The following CSMD1 variants were observed in gnomAD, a reference collection of about 807,000 sequenced individuals.
CSMD1 encodes CUB and Sushi multiple domains 1.
CSMD1 carries 213 observed loss-of-function variants against 417.5 expected under a neutral mutation model. The ratio of observed to expected loss-of-function variants is 0.51; its 90% CI spans 0.46 to 0.57. The LOEUF (loss-of-function observed/expected upper bound fraction) is 0.57, where lower values mean the gene tolerates loss of function less well. Among genes scored for constraint, CSMD1 ranks in the 20% least tolerant of loss-of-function variants. The pLI, the probability that CSMD1 is intolerant of heterozygous loss-of-function variation, is 0.00. For synonymous variants in CSMD1, 2,862 were observed against 1,736.8 expected (o/e 1.65, Z -16.11); for missense variants, 6,923 against 4,529.7 (o/e 1.53, Z -15.17).
intron 5 of CSMD1, among the ~76,000 whole-genome samples, chr8:3,959,879 C>G (rs1019504495): frequency 6.6e-6 from 1 of 152,204 alleles, no homozygotes; most frequent in Non-Finnish European, 1.5e-5. Context: ...AACGTGTGAT[C>G]TGCCTTCATT....
At chr8:4,113,390 CTTTTTTTTTTTT>C (rs59647790) in intron 3 of CSMD1, among the ~76,000 whole-genome samples, 4 of 81,200 alleles carry the variant, frequency 4.9e-5, no homozygotes, top group African/African-American at 1.0e-4. Context: ...AATAAAAGGG[CTTTTTTTTTTTT>C]TTTTTTTTTT....
chr8:4,801,296 A>G (rs932398405), intron 1 of CSMD1, among the ~76,000 whole-genome samples: 2 of 152,098 alleles, frequency 1.3e-5, no homozygotes, highest in Admixed American at 6.5e-5. Context: ...TGAAATATGA[A>G]GTATCACAGA....
At chr8:3,112,872 G>C (rs186040557) in intron 42 of CSMD1, 3 of 152,276 alleles carry the variant, frequency 2.0e-5, no homozygotes, top group Non-Finnish European at 2.9e-5. Context: ...CCTCCCACTG[G>C]GTAGTCCAGA....
At chr8:4,325,738 G>C (rs1289946521) in intron 3 of CSMD1, among the ~76,000 whole-genome samples, 1 of 152,062 alleles carries the variant, frequency 6.6e-6, no homozygotes, top group African/African-American at 2.4e-5. Context: ...CACTGAGAAG[G>C]CGTGAATGTT....
intron 3 of CSMD1, among the ~76,000 whole-genome samples, chr8:4,155,167 T>C (rs1260992715): frequency 1.3e-5 from 2 of 152,168 alleles, no homozygotes; most frequent in African/African-American, 4.8e-5. Flanking sequence ...GCACTGACTG[T>C]TTACATAATT....
At chr8:3,671,528 C>CATAT (rs1278729666) in intron 7 of CSMD1, among the ~76,000 whole-genome samples, 9 of 50,218 alleles carry the variant, frequency 1.8e-4, no homozygotes, top group African/African-American at 3.8e-4. Context: ...TATATATGAT[C>CATAT]ATATATATAT....
intron 1 of CSMD1, among the ~76,000 whole-genome samples, chr8:4,983,209 G>A (rs965203361): frequency 1.3e-5 from 2 of 152,174 alleles, no homozygotes; most frequent in African/African-American, 4.8e-5. Flanking sequence ...TCTAGTCTCA[G>A]TACATGAGTC....
At chr8:4,299,169 AC>A (rs1797846879) in intron 3 of CSMD1, among the ~76,000 whole-genome samples, 1 of 152,216 alleles carries the variant, frequency 6.6e-6, no homozygotes, top group Non-Finnish European at 1.5e-5. Flanking sequence ...CAAAAAAGAA[AC>A]GTTGTAAGAA....
chr8:4,604,246 T>A (rs893230436), intron 2 of CSMD1, among the ~76,000 whole-genome samples: 1 of 151,956 alleles, frequency 6.6e-6, no homozygotes, highest in African/African-American at 2.4e-5. Flanking sequence ...CTACTACCTT[T>A]TTCATAAATA....
chr8:4,316,321 G>C lies in CSMD1; in HGVS notation c.415+103632C>G, dbSNP rs562807808. Among the ~76,000 whole-genome samples, 25 of 152,234 alleles carry C rather than the reference G, an allele frequency of 1.6e-4. No homozygotes were observed. The South Asian group carries it at 5.2e-3, about 32-fold the overall frequency. Reference sequence around the variant, plus strand: ...AGGAATGCTGCAGAGAAAATAATCTGCATATTTTATTCCAAGCGGTTTCTT... The same window carrying C: ...AGGAATGCTGCAGAGAAAATAATCTCCATATTTTATTCCAAGCGGTTTCTT... On this transcript the variant is annotated intron_variant, in intron 3 of 69. Transcript: ENST00000635120.
At chr8:4,111,697 C>A (rs1350319929) in intron 3 of CSMD1, among the ~76,000 whole-genome samples, 1 of 152,174 alleles carries the variant, frequency 6.6e-6, no homozygotes, top group African/African-American at 2.4e-5. Flanking sequence ...CATGTTCTCA[C>A]TTATAAGTGG....
chr8:3,303,914 C>G (rs1208973201), intron 25 of CSMD1, among the ~76,000 whole-genome samples: 1 of 150,154 alleles, frequency 6.7e-6, no homozygotes, highest in African/African-American at 2.4e-5. Context: ...ACCCAAGTGC[C>G]CCATAATAAT....
intron 2 of CSMD1, among the ~76,000 whole-genome samples, chr8:4,595,387 C>CTTTTTTTTTTTTTTCTTTTTTTT: frequency 2.7e-5 from 4 of 147,442 alleles, no homozygotes; most frequent in African/African-American, 9.8e-5. Flanking sequence ...CATTCATTTT[C>CTTTTTTTTTTTTTTCTTTTTTTT]ATTCCATCCA....
chr8:3,574,698 A>C (rs1417789382), intron 10 of CSMD1, among the ~76,000 whole-genome samples: 1 of 152,228 alleles, frequency 6.6e-6, no homozygotes, highest in Non-Finnish European at 1.5e-5. Context: ...ATGATACATA[A>C]AGGAGGAATG....
At chr8:3,230,266 G>C (rs771432621) in intron 26 of CSMD1, 35 bp from the exon 27 acceptor site, 10 of 1,500,234 alleles carry the variant, frequency 6.7e-6, no homozygotes, top group South Asian at 1.3e-5. Context: ...TCACAGGCTG[G>C]AAAACATGGT....
intron 1 of CSMD1, among the ~76,000 whole-genome samples, chr8:4,649,627 T>G (rs1197274796): frequency 1.3e-5 from 2 of 152,236 alleles, no homozygotes; most frequent in South Asian, 2.1e-4. Context: ...AAAGGCCAAT[T>G]TTTTAATTTT....
chr8:4,645,098 G>A lies in CSMD1; in HGVS notation c.86-7540C>T, dbSNP rs534201186. 2.0e-5 allele frequency among the ~76,000 whole-genome samples: 3 copies of A among 152,256 alleles called. No individual in the cohort carries two copies. The East Asian group carries it at 5.8e-4, about 29-fold the overall frequency. ...GTTGCTATTCTCTCAACCCTGTTCA[G>A]CAGCCTGATTGTCGAAAGCTCCTTA... On this transcript the variant is annotated intron_variant, in intron 1 of 69. Coordinates refer to ENST00000635120, the MANE Select transcript of CSMD1 (RefSeq NM_033225.6).
chr8:4,977,913 G>A (rs1242143718), intron 1 of CSMD1, among the ~76,000 whole-genome samples: 1 of 152,148 alleles, frequency 6.6e-6, no homozygotes, highest in East Asian at 1.9e-4. Context: ...CACATTCGAA[G>A]GTGTCCAATA....
At chr8:4,902,424 C>T (rs1442666339) in intron 1 of CSMD1, among the ~76,000 whole-genome samples, 1 of 138,144 alleles carries the variant, frequency 7.2e-6, no homozygotes, top group Non-Finnish European at 1.6e-5. Context: ...GAACCCATCT[C>T]TAAAGAGGAG....
Sources: allele counts gnomAD v4.1 joint callset (sites outside exome capture counted in the v4.1 genomes callset), GRCh38; gene constraint gnomAD v4.1.1; transcripts MANE v1.5; gene names NCBI Gene and HGNC (gene_info 2026-07-23, HGNC 2026-07-21).